The following PTPRD variants were observed in gnomAD, a reference collection of about 807,000 sequenced individuals.
PTPRD encodes protein tyrosine phosphatase receptor type D.
In PTPRD, 34 loss-of-function variants were observed where a neutral mutation model predicts 214.5. The ratio of observed to expected loss-of-function variants is 0.16; its 90% CI spans 0.12 to 0.21. The LOEUF (loss-of-function observed/expected upper bound fraction) is 0.21. PTPRD is among the 10% of genes least tolerant of loss of function. PTPRD has a pLI of 1.00. For synonymous variants in PTPRD, 1,128 were observed against 845.7 expected (o/e 1.33, Z -5.79); for missense variants, 2,545 against 2,398.7 (o/e 1.06, Z -1.27).
At chr9:9,802,155 A>G (rs985856271) in intron 5 of PTPRD, among the ~76,000 whole-genome samples, 1 of 152,060 alleles carries the variant, frequency 6.6e-6, no homozygotes, top group East Asian at 1.9e-4. Context: ...AGTCTGGTCC[A>G]GGTGTGAGGT....
At position 9,579,050 on chromosome 9, in the gene PTPRD, A is replaced by G. The variant is rs2089945745; in HGVS notation, c.-286-4269T>C. 2.0e-5 allele frequency among the ~76,000 whole-genome samples: 3 copies of G among 152,148 alleles called. No homozygotes were observed. The South Asian group carries it at 6.2e-4, about 32-fold the overall frequency. The stretch of plus-strand genomic sequence containing the variant: ...TTTTTAATCCAAGGAGTCTTGCTTC[A>G]GAGCCTATGCTCTTAGTCATTACAT... On this transcript the variant is annotated intron_variant, in intron 7 of 45. Coordinates refer to ENST00000381196, the MANE Select transcript of PTPRD (RefSeq NM_002839.4).
intron 19 of PTPRD, among the ~76,000 whole-genome samples, 185 bp downstream of exon 19, chr9:8,523,328 C>T (rs1215997089): frequency 2.6e-5 from 4 of 152,090 alleles, no homozygotes; most frequent in African/African-American, 9.7e-5. Context: ...CATTCTCTCC[C>T]ACCATGCACC....
chr9:8,484,409 C>G (rs757506940), intron 29 of PTPRD, 31 bp from the exon 30 acceptor site: 1 of 1,577,908 alleles, frequency 6.3e-7, no homozygotes, highest in Non-Finnish European at 8.6e-7. Flanking sequence ...AAAAAAAAAT[C>G]TGGTTATCAG....
chr9:8,626,909 T>C (rs1047304141), intron 14 of PTPRD, among the ~76,000 whole-genome samples: 2 of 151,648 alleles, frequency 1.3e-5, no homozygotes, highest in Non-Finnish European at 2.9e-5. Flanking sequence ...TCTTCCTATA[T>C]ATGTATATAT....
intron 12 of PTPRD, among the ~76,000 whole-genome samples, chr9:8,659,921 A>T (rs747595995): frequency 6.6e-6 from 1 of 152,192 alleles, no homozygotes; most frequent in Non-Finnish European, 1.5e-5. Context: ...ATGAAGAATA[A>T]ATGTAGAGAG....
intron 35 of PTPRD, among the ~76,000 whole-genome samples, chr9:8,434,456 C>T (rs1465024215): frequency 2.6e-5 from 4 of 152,124 alleles, no homozygotes; most frequent in Non-Finnish European, 5.9e-5. Flanking sequence ...ACGATGTTTA[C>T]ACAGTGACAA....
chr9:8,970,307 A>C (rs1468256003), intron 11 of PTPRD, among the ~76,000 whole-genome samples: 6 of 151,942 alleles, frequency 3.9e-5, no homozygotes. Flanking sequence ...AGCCCTACAC[A>C]GTAGAGCTGA....
At chr9:9,173,875 G>A (rs541194527) in intron 10 of PTPRD, among the ~76,000 whole-genome samples, 2 of 152,120 alleles carry the variant, frequency 1.3e-5, no homozygotes, top group East Asian at 3.9e-4. Flanking sequence ...GTTCAACACT[G>A]TATCCCAATA....
chr9:8,933,141 G>A (rs1363679976), intron 11 of PTPRD, among the ~76,000 whole-genome samples: 1 of 152,016 alleles, frequency 6.6e-6, no homozygotes, highest in Non-Finnish European at 1.5e-5. Flanking sequence ...GACCCCTTGT[G>A]CTTCCTGGGT....
At chr9:9,355,947 G>C (rs769078711) in intron 9 of PTPRD, among the ~76,000 whole-genome samples, 1 of 151,462 alleles carries the variant, frequency 6.6e-6, no homozygotes, top group South Asian at 2.1e-4. Context: ...GTGATAAACT[G>C]TGTCAAATGC....
intron 3 of PTPRD, among the ~76,000 whole-genome samples, chr9:10,144,064 GAATT>G (rs1281220659): frequency 6.6e-6 from 1 of 151,192 alleles, no homozygotes; most frequent in Non-Finnish European, 1.5e-5. Flanking sequence ...TTGAAAAAAT[GAATT>G]AATAAAATTA....
Position 10,452,812 on chromosome 9 carries a change from C to T in PTPRD, c.-599-111795G>A, listed in dbSNP as rs73390336. Among the ~76,000 whole-genome samples the T allele has an allele frequency of 9.9e-3, 1,503 of 151,738 alleles. 20 individuals are homozygous for T. The highest frequency in any genetic ancestry group is 0.029 in the African/African-American group (1,183 of 41,472). ...TCTATGAGTTGTTTCCATTGTTGTG[C>T]ATAAGGATTCTAGTTTGATGTAGTC... On this transcript the variant is annotated intron_variant, in intron 2 of 45. Transcript: ENST00000381196.
At chr9:10,550,022 G>C in intron 2 of PTPRD, among the ~76,000 whole-genome samples, 1 of 152,094 alleles carries the variant, frequency 6.6e-6, no homozygotes, top group Non-Finnish European at 1.5e-5. Flanking sequence ...AGGATGGATA[G>C]GTTGGATCCC....
At chr9:9,209,160 G>A (rs925276760) in intron 9 of PTPRD, among the ~76,000 whole-genome samples, 13 of 151,986 alleles carry the variant, frequency 8.6e-5, no homozygotes, top group African/African-American at 1.9e-4. Context: ...AGTTTCAAGG[G>A]GGTAAAGAGA....
At chr9:9,079,962 T>C (rs537483182) in intron 10 of PTPRD, among the ~76,000 whole-genome samples, 1 of 152,168 alleles carries the variant, frequency 6.6e-6, no homozygotes, top group South Asian at 2.1e-4. Context: ...ACAGTATGCT[T>C]GATGAAGCTA....
chr9:8,733,810 G>T lies in PTPRD; in HGVS notation c.34C>A (p.Leu12Ile). The change falls in exon 12 of 46, where the codon CTC becomes ATC. Residue 12 changes from leucine (L) to isoleucine (I), a missense_variant. Physicochemically the swap from Leu to Ile is conservative, Grantham distance 5 (BLOSUM62 2). Coordinates refer to ENST00000381196, the MANE Select transcript of PTPRD (RefSeq NM_002839.4). ...GCATCCGTGCGGAGGAAGAAAGTGA[G>T]GAGCAGCAGCAGCAGCCTGGCTACG... Reference protein sequence around the residue: ...VHVARLLLLLLTFFLRTDAET... With the variant: ...VHVARLLLLLITFFLRTDAET... 1 of 1,553,084 alleles carries T rather than the reference G, an allele frequency of 6.4e-7. No homozygotes were observed. Among genetic ancestry groups the T allele is most frequent in the Non-Finnish European group, 8.7e-7 (1 of 1,147,748 alleles).
At chr9:10,054,770 T>C (rs1377856151) in intron 3 of PTPRD, among the ~76,000 whole-genome samples, 3 of 152,130 alleles carry the variant, frequency 2.0e-5, no homozygotes, top group Non-Finnish European at 4.4e-5. Context: ...TTTGTTTTAG[T>C]AAAGTTGAAT....
At chr9:10,174,176 C>T (rs1046575607) in intron 3 of PTPRD, among the ~76,000 whole-genome samples, 12 of 152,088 alleles carry the variant, frequency 7.9e-5, no homozygotes, top group African/African-American at 2.9e-4. Flanking sequence ...AATGTTTGTC[C>T]TGCTAAACCT....
In PTPRD at chr9:8,997,221, A is replaced by G. The variant is rs527618602; in HGVS notation, c.-104+21476T>C. On this transcript the variant is annotated intron_variant, in intron 11 of 45. Coordinates refer to ENST00000381196, the MANE Select transcript of PTPRD (RefSeq NM_002839.4). ...ATAAATAAAAGTCAGATATACAGGC[A>G]CACCTTGTATTATGGTGCTTTGTTT... Among the ~76,000 whole-genome samples, 52 of 152,240 alleles carry G rather than the reference A, an allele frequency of 3.4e-4. 1 individual carries two copies. Among genetic ancestry groups the G allele is most frequent in the African/African-American group, 1.1e-3 (47 of 41,562 alleles).
Sources: allele counts gnomAD v4.1 joint callset (sites outside exome capture counted in the v4.1 genomes callset), GRCh38; gene constraint gnomAD v4.1.1; transcripts MANE v1.5; gene names NCBI Gene and HGNC (gene_info 2026-07-23, HGNC 2026-07-21).